NHLRC3: variants seen among roughly 807,000 people sequenced by gnomAD.
NHLRC3 encodes the protein NHL repeat containing 3, also known as NHL repeat-containing protein 3.
In NHLRC3, 23 loss-of-function variants were observed where a neutral mutation model predicts 32.0. That is an observed-to-expected ratio of 0.72 (90% CI 0.52 to 1.02). NHLRC3 has a LOEUF of 1.02. NHLRC3 is among the 50% of genes least tolerant of loss of function. NHLRC3 has a pLI of 0.00. For missense variants in NHLRC3, 407 were observed against 406.8 expected (o/e 1.00, Z -0.01); for synonymous variants, 159 against 147.9 (o/e 1.08, Z -0.55).
rs1593548317 is a variant in NHLRC3, at chr13:39,038,822, C to T, written c.84+99C>T. On this transcript the variant is annotated intron_variant, in intron 1 of 6. Coordinates refer to ENST00000379600, the MANE Select transcript of NHLRC3 (RefSeq NM_001012754.4). ...CATGGAGGTGGCAGGCCCTGGTTCC[C>T]TCAGTAGCTTGTCTCAAAGCCTGCA... 4.0e-6 allele frequency: 4 copies of T among 997,280 alleles called. No individual in the cohort carries two copies. The East Asian group carries it at 7.1e-5, about 18-fold the overall frequency. 61.8% of individuals were successfully genotyped at this position (997,280 alleles called of 1,614,324 possible). A position where few individuals can be genotyped will look rare whatever the true frequency, so the allele number is the denominator to read the frequency against.
chr13:39,046,258 G>T (rs1871672053), intron 5 of NHLRC3, among the ~76,000 whole-genome samples: 1 of 152,186 alleles, frequency 6.6e-6, no homozygotes. Flanking sequence ...GGCGGAGCTT[G>T]CAGTGAGCCG....
upstream of NHLRC3, chr13:39,038,445 C>T: frequency 1.7e-6 from 1 of 601,082 alleles, no homozygotes; most frequent in Non-Finnish European, 3.0e-6. Context: ...AACTGGTCTT[C>T]TGTGATTTTC....
At chr13:39,044,783 C>A (rs1298102980) in intron 5 of NHLRC3, among the ~76,000 whole-genome samples, 1 of 152,204 alleles carries the variant, frequency 6.6e-6, no homozygotes, top group Non-Finnish European at 1.5e-5. Context: ...AAGCATAGAT[C>A]TCACTTCTTT....
chr13:39,038,701 A>C lies in NHLRC3; in HGVS notation c.62A>C (p.His21Pro). 6.2e-7 allele frequency: 1 copy of C among 1,614,022 alleles called. No individual in the cohort carries two copies. Among genetic ancestry groups the C allele is most frequent in the Non-Finnish European group, 8.5e-7 (1 of 1,179,960 alleles). ...TTCTTTCTTGCATTTTTGGTTTTGC[A>C]TTCGCGTTTTTGTGGCTCTCCAGTG... ...AGFFLAFLVL[H>P]SRFCGSPVLR... The change falls in exon 1 of 7, where the codon CAT becomes CCT. Residue 21 changes from histidine to proline, a missense_variant. By Grantham distance (77) the His-to-Pro change is moderately conservative (BLOSUM62 -2). Transcript: ENST00000379600.
intron 5 of NHLRC3, among the ~76,000 whole-genome samples, chr13:39,045,672 A>G (rs1346036314): frequency 6.6e-6 from 1 of 152,204 alleles, no homozygotes; most frequent in African/African-American, 2.4e-5. Flanking sequence ...GGTGTAAACT[A>G]TACTTCTTCC....
At chr13:39,039,312 A>C (rs368021619) in intron 2 of NHLRC3, 24 bp downstream of exon 2, 7 of 1,582,096 alleles carry the variant, frequency 4.4e-6, no homozygotes, top group Admixed American at 1.7e-5. Context: ...GATTTAAAAA[A>C]ATTATGAACA....
At chr13:39,044,508 G>A (rs1167604471) in intron 5 of NHLRC3, 1 of 239,698 alleles carries the variant, frequency 4.2e-6, no homozygotes, top group African/African-American at 2.2e-5. Flanking sequence ...AAAGTTACCT[G>A]AAAGAAAAAG....
intron 5 of NHLRC3, 96 bp downstream of exon 5, chr13:39,044,277 G>GTA (rs1315938744): frequency 1.2e-6 from 1 of 847,084 alleles, no homozygotes; most frequent in East Asian, 2.5e-5. Flanking sequence ...GTCTGGGCAT[G>GTA]TATATATAGA....
chr13:39,044,235 GTGTGTGTGTGTGTGTGTGT>G, intron 5 of NHLRC3, 54 bp downstream of exon 5: 1 of 761,470 alleles, frequency 1.3e-6, no homozygotes, highest in Non-Finnish European at 2.2e-6. Context: ...ATGTTTGTGT[GTGTGTGTGTGTGTGTGTGT>G]GTGTGTGTGT....
intron 3 of NHLRC3, chr13:39,041,604 GA>G (rs1311709766): frequency 1.3e-5 from 2 of 152,288 alleles, no homozygotes; most frequent in African/African-American, 4.8e-5. Flanking sequence ...GTTGAATTTT[GA>G]ATGTCTCCAC....
Position 39,042,319 on chromosome 13 carries a change from T to TC in NHLRC3, c.586+14_586+15insC. ...AACTGTCCCAAGGTACATTACTTGT[T>TC]TATGGTATTATAAAAATATTATAAA... is the stretch of plus-strand genomic sequence containing the variant. On this transcript the variant is annotated intron_variant, in intron 4 of 6. Transcript: ENST00000379600. 7.2e-7 allele frequency: 1 copy of TC among 1,385,966 alleles called. No individual in the cohort carries two copies. 85.9% of individuals were successfully genotyped at this position (1,385,966 alleles called of 1,614,324 possible).
chr13:39,047,753 G>A lies in NHLRC3; in HGVS notation c.871G>A (p.Gly291Arg). ...RLSVVAAPPV[G>R]SIGECSVIST... Reference sequence around the variant, plus strand: ...CTCAGTCGTAGCAGCACCCCCAGTGGGAAGCATTGGGGAGTGTTCTGTGAT... The same window carrying A: ...CTCAGTCGTAGCAGCACCCCCAGTGAGAAGCATTGGGGAGTGTTCTGTGAT... Residue 291 changes from glycine to arginine, a missense_variant, in exon 7 of 7, where the codon GGA (glycine) becomes AGA (arginine). Physicochemically the swap from Gly to Arg is moderately radical, Grantham distance 125. Coordinates refer to ENST00000379600, the MANE Select transcript of NHLRC3 (RefSeq NM_001012754.4). 1 of 1,613,528 alleles carries A rather than the reference G, an allele frequency of 6.2e-7. No individual in the cohort carries two copies. The highest frequency in any genetic ancestry group is 8.5e-7 in the Non-Finnish European group (1 of 1,179,456).
chr13:39,047,388 A>G (rs1174723586), intron 6 of NHLRC3, among the ~76,000 whole-genome samples: 1 of 152,208 alleles, frequency 6.6e-6, no homozygotes, highest in Non-Finnish European at 1.5e-5. Flanking sequence ...TTTAAACAGG[A>G]CAAAAATCAA....
chr13:39,038,788 C>T, intron 1 of NHLRC3, 65 bp downstream of exon 1: 2 of 1,346,340 alleles, frequency 1.5e-6, no homozygotes, highest in Non-Finnish European at 2.1e-6. Flanking sequence ...GGCGTCGCCA[C>T]GGTCGTGGCA....
At chr13:39,043,580 A>G (rs1037019948) in intron 4 of NHLRC3, among the ~76,000 whole-genome samples, 1 of 152,096 alleles carries the variant, frequency 6.6e-6, no homozygotes, top group Non-Finnish European at 1.5e-5. Flanking sequence ...GGATGATCTC[A>G]TGAGATCCCT....
rs1468451008 is a variant in NHLRC3, at chr13:39,048,705, C to T, written c.*779C>T. 6.6e-6 allele frequency: 1 copy of T among 152,186 alleles called. No homozygotes were observed. Among genetic ancestry groups the T allele is most frequent in the African/African-American group, 2.4e-5 (1 of 41,448 alleles). 9.4% of individuals were successfully genotyped at this position (152,186 alleles called of 1,614,324 possible). ...CTTTTAGGCCTTTTTTAAAGCCCAA[C>T]TTGGCTTCTGTCCATTACCTATAAG... is the stretch of plus-strand genomic sequence containing the variant. On this transcript the variant is annotated 3_prime_UTR_variant, in exon 7 of 7. Coordinates refer to ENST00000379600, the MANE Select transcript of NHLRC3 (RefSeq NM_001012754.4).
intron 5 of NHLRC3, chr13:39,044,391 T>C (rs1371933719): frequency 9.7e-6 from 5 of 515,886 alleles, no homozygotes; most frequent in African/African-American, 1.9e-5. Flanking sequence ...TTCTTACAAG[T>C]GTTTGAGTCC....
At chr13:39,046,253 A>G (rs2138156866) in intron 5 of NHLRC3, among the ~76,000 whole-genome samples, 1 of 152,270 alleles carries the variant, frequency 6.6e-6, no homozygotes, top group South Asian at 2.1e-4. Flanking sequence ...CGGGAGGCGG[A>G]GCTTGCAGTG....
chr13:39,041,118 C>T (rs964677912), intron 3 of NHLRC3: 8 of 152,010 alleles, frequency 5.3e-5, no homozygotes, highest in Admixed American at 3.9e-4. Context: ...ATTTTCTACC[C>T]AGAGATCTGA....
Sources: allele counts gnomAD v4.1 joint callset (sites outside exome capture counted in the v4.1 genomes callset), GRCh38; gene constraint gnomAD v4.1.1; transcripts MANE v1.5; gene names NCBI Gene and HGNC (gene_info 2026-07-23, HGNC 2026-07-21).